Variants in TTC3 observed in about 807,000 individuals in gnomAD.
TTC3 encodes E3 ubiquitin-protein ligase TTC3.
In TTC3, 180 loss-of-function variants were observed where a neutral mutation model predicts 249.6. That is an observed-to-expected ratio of 0.72 (90% CI 0.64 to 0.82). The LOEUF is 0.82. Ranked by LOEUF, TTC3 falls within the 40% of genes least tolerant of loss-of-function variation. The pLI, the probability that TTC3 is intolerant of heterozygous loss-of-function variation, is 0.00. For missense variants in TTC3, 2,061 were observed against 2,398.4 expected (o/e 0.86, Z 2.94); for synonymous variants, 717 against 805.0 (o/e 0.89, Z 1.85).
chr21:37,197,679 G>T lies in TTC3; in HGVS notation c.5689G>T (p.Glu1897Ter). ...AAGAGTGACAGAACACATTCTAGAT[G>T]AACAGAAAAAGAAAAAGGTATTTTA... is the stretch of plus-strand genomic sequence containing the variant. The change falls in exon 43 of 46, where the codon GAA becomes TAA. Residue 1897 changes from glutamate to a stop codon, truncating the protein, a stop_gained. Coordinates refer to ENST00000355666, the Ensembl canonical transcript of TTC3. LOFTEE classifies it high-confidence loss of function. 6.2e-7 allele frequency: 1 copy of T among 1,602,504 alleles called. No individual in the cohort carries two copies. Among genetic ancestry groups the T allele is most frequent in the East Asian group, 2.3e-5 (1 of 44,390 alleles).
At chr21:37,133,677 A>G (rs73201965) in intron 17 of TTC3, among the ~76,000 whole-genome samples, 14 of 152,280 alleles carry the variant, frequency 9.2e-5, no homozygotes, top group Non-Finnish European at 1.9e-4. Flanking sequence ...TGGAGCTTTC[A>G]GGACAGATCA....
exon 27 of TTC3, chr21:37,153,153 T>C (rs2079644446): frequency 1.2e-6 from 2 of 1,614,136 alleles, no homozygotes; most frequent in East Asian, 4.5e-5. Context: ...CAGTGGACTA[T>C]GTTATTCGCC....
In TTC3 at chr21:37,188,564, G is replaced by A; in HGVS notation, c.4993G>A (p.Ala1665Thr). 3 of 1,614,052 alleles carry A rather than the reference G, an allele frequency of 1.9e-6. No homozygotes were observed. In the East Asian group the frequency reaches 6.7e-5, roughly 36 times the overall value. The change falls in exon 39 of 46, where the codon GCC (alanine) becomes ACC (threonine). Residue 1665 changes from alanine to threonine, a missense_variant. This residue lies in a region of TTC3 where 1,040 missense variants were observed against 1,186.1 expected (regional missense o/e 0.88). Transcript: ENST00000355666. ...ACAGATCATGGAGTCACAAGCAGAA[G>A]CCTTTCTGAAGAAGCTGGGGCTGAT...
At chr21:37,177,894 G>T (rs985797998) in intron 35 of TTC3, among the ~76,000 whole-genome samples, 3 of 152,086 alleles carry the variant, frequency 2.0e-5, no homozygotes, top group Admixed American at 2.0e-4. Context: ...ATATGCCCAG[G>T]TCTGTGTGTA....
At chr21:37,183,733 A>C (rs2082968692) in intron 36 of TTC3, among the ~76,000 whole-genome samples, 1 of 152,006 alleles carries the variant, frequency 6.6e-6, no homozygotes, top group African/African-American at 2.4e-5. Context: ...CTTCCATATG[A>C]TCTCTATTAT....
At chr21:37,097,051 TAATC>T (rs1169755866) in intron 10 of TTC3, among the ~76,000 whole-genome samples, 1 of 152,230 alleles carries the variant, frequency 6.6e-6, no homozygotes, top group African/African-American at 2.4e-5. Flanking sequence ...CTCTGTTAAT[TAATC>T]CATATAGTAT....
At chr21:37,091,436 G>A (rs372978750) in intron 7 of TTC3, 23 bp downstream of exon 7, 2 of 1,580,052 alleles carry the variant, frequency 1.3e-6, no homozygotes, top group Non-Finnish European at 8.6e-7. Flanking sequence ...GCTTTAAATT[G>A]TTACTTGACT....
At chr21:37,083,053 A>T in intron 1 of TTC3, 1 of 985,460 alleles carries the variant, frequency 1.0e-6, no homozygotes, top group African/African-American at 1.7e-5. Flanking sequence ...TGATGGTCAA[A>T]CAATGTGAAA....
At position 37,172,593 on chromosome 21, in the gene TTC3, A is replaced by C. The variant is rs1173235402; in HGVS notation, c.4468-2A>C. On this transcript the variant is annotated splice_acceptor_variant, in intron 34 of 45. Transcript: ENST00000355666. LOFTEE classifies it high-confidence loss of function. The stretch of plus-strand genomic sequence containing the variant: ...ATAGATTGTTTTGTAATTCACTTTT[A>C]GGGGGAAATTTCACGGATTGAAAAG... 3.7e-6 allele frequency: 6 copies of C among 1,608,520 alleles called. No homozygotes were observed. The Admixed American group carries it at 1.0e-4, about 27-fold the overall frequency.
At chr21:37,126,034 C>A (rs2077014980) in intron 14 of TTC3, 46 bp from the exon 15 acceptor site, 1 of 1,437,034 alleles carries the variant, frequency 7.0e-7, no homozygotes, top group Non-Finnish European at 9.5e-7. Context: ...TTCTTCATGG[C>A]TGGGTTGTTT....
intron 26 of TTC3, among the ~76,000 whole-genome samples, chr21:37,152,377 TTG>T (rs1273352326): frequency 3.6e-5 from 4 of 110,128 alleles, no homozygotes; most frequent in East Asian, 2.9e-4. Context: ...GGGAACTAAG[TTG>T]TTTTTTTTTT....
At chr21:37,195,914 C>T (rs8130789) in exon 42 of TTC3, 18,186 of 1,614,236 alleles carry the variant, frequency 0.011, 159 homozygotes, top group East Asian at 0.022. Context: ...CAGAACGAAG[C>T]CCTGTGGCTG....
chr21:37,197,835 G>T (rs751609986), intron 43 of TTC3, 47 bp from the exon 44 acceptor site: 3 of 1,584,424 alleles, frequency 1.9e-6, no homozygotes. Flanking sequence ...TGGATAACTG[G>T]TTGCTTCCCT....
At chr21:37,149,935 T>G in intron 23 of TTC3, 143 bp from the exon 24 acceptor site, 1 of 597,560 alleles carries the variant, frequency 1.7e-6, no homozygotes, top group East Asian at 2.9e-5. Flanking sequence ...CGCATGGCAG[T>G]GAGTAAGGAT....
At chr21:37,182,101 A>C (rs538672783) in intron 35 of TTC3, among the ~76,000 whole-genome samples, 1 of 152,346 alleles carries the variant, frequency 6.6e-6, no homozygotes, top group Non-Finnish European at 1.5e-5. Context: ...TGTTTTACTT[A>C]TAAGTGACTG....
chr21:37,088,130 A>G (rs866529565), intron 3 of TTC3, 66 bp from the exon 4 acceptor site: 12 of 1,401,430 alleles, frequency 8.6e-6, no homozygotes, highest in Middle Eastern at 5.2e-4. Flanking sequence ...CCTTTTTACT[A>G]TTAAGTGTTG....
chr21:37,086,105 A>G (rs1287365683), intron 1 of TTC3: 2 of 152,238 alleles, frequency 1.3e-5, no homozygotes, highest in African/African-American at 4.8e-5. Flanking sequence ...TGCTAGGAAG[A>G]TTGTTATTAT....
intron 1 of TTC3, among the ~76,000 whole-genome samples, chr21:37,076,178 G>GA (rs1783924064): frequency 6.6e-6 from 1 of 152,126 alleles, no homozygotes; most frequent in African/African-American, 2.4e-5. Context: ...TTTTTGAGTG[G>GA]AAAAAATCAT....
At chr21:37,150,798 G>A (rs1410787500) in intron 24 of TTC3, 22 bp from the exon 25 acceptor site, 2 of 1,583,302 alleles carry the variant, frequency 1.3e-6, no homozygotes, top group Non-Finnish European at 1.7e-6. Flanking sequence ...ACAAATTTTG[G>A]ATGTCTTTGT....
Sources: gnomAD v4.1 joint callset for allele counts (sites outside exome capture counted in the v4.1 genomes callset) on GRCh38, gnomAD v4.1.1 for gene constraint, gnomAD v4.1.1 regional missense constraint, MANE v1.5 for transcripts, NCBI Gene and HGNC (gene_info 2026-07-23, HGNC 2026-07-21) for gene names.